Variants in ZBTB20 observed in about 807,000 individuals in gnomAD.
ZBTB20 encodes the protein zinc finger and BTB domain containing 20.
A neutral mutation model predicts 56.9 loss-of-function variants in ZBTB20; 9 were observed. The observed-to-expected ratio is 0.16, with a 90% CI of 0.10 to 0.28. The LOEUF is 0.28. Among genes scored for constraint, ZBTB20 ranks in the 10% least tolerant of loss-of-function variants. The pLI, the probability that ZBTB20 is intolerant of heterozygous loss-of-function variation, is 1.00. For synonymous variants in ZBTB20, 417 were observed against 420.7 expected (o/e 0.99, Z 0.11); for missense variants, 655 against 1,003.0 (o/e 0.65, Z 4.69).
chr3:114,903,830 A>G (rs1349796049), intron 3 of ZBTB20, among the ~76,000 whole-genome samples: 1 of 152,026 alleles, frequency 6.6e-6, no homozygotes, highest in Admixed American at 6.6e-5. Flanking sequence ...TATGTATTCT[A>G]AGGAGATCCT....
At chr3:114,457,537 A>G (rs2092093713) in intron 7 of ZBTB20, among the ~76,000 whole-genome samples, 1 of 152,168 alleles carries the variant, frequency 6.6e-6, no homozygotes, top group African/African-American at 2.4e-5. Flanking sequence ...CCTAAAATCT[A>G]AACTTCAAGG....
intron 6 of ZBTB20, among the ~76,000 whole-genome samples, chr3:114,574,392 T>G (rs2053778688): frequency 1.3e-5 from 2 of 152,206 alleles, no homozygotes; most frequent in Admixed American, 6.5e-5. Flanking sequence ...TGTGTCAATA[T>G]ATAGATATCC....
At chr3:114,472,061 C>A (rs904105503) in intron 7 of ZBTB20, among the ~76,000 whole-genome samples, 2 of 152,150 alleles carry the variant, frequency 1.3e-5, no homozygotes, top group Non-Finnish European at 2.9e-5. Flanking sequence ...TATGAAAAGA[C>A]AGTTCAGGGC....
At chr3:114,435,521 T>C (rs554568583) in intron 7 of ZBTB20, among the ~76,000 whole-genome samples, 2 of 152,322 alleles carry the variant, frequency 1.3e-5, no homozygotes, top group East Asian at 3.9e-4. Flanking sequence ...AAGCCTGTGC[T>C]CCTCACCATG....
intron 11 of ZBTB20, among the ~76,000 whole-genome samples, chr3:114,345,707 G>T (rs959109495): frequency 1.3e-5 from 2 of 152,110 alleles, no homozygotes; most frequent in Non-Finnish European, 2.9e-5. Context: ...GTCTGGGGTG[G>T]GGGTGAAGGG....
At chr3:114,805,452 C>T (rs889631030) in intron 4 of ZBTB20, among the ~76,000 whole-genome samples, 8 of 151,338 alleles carry the variant, frequency 5.3e-5, no homozygotes, top group African/African-American at 1.2e-4. Context: ...TAACTAGATT[C>T]GGATTATAGG....
chr3:114,477,952 T>TCCCA (rs2041039413), intron 7 of ZBTB20, among the ~76,000 whole-genome samples: 1 of 94,870 alleles, frequency 1.1e-5, no homozygotes, highest in African/African-American at 3.7e-5. Flanking sequence ...TCTCTCTCCC[T>TCCCA]CCCACCCTCC....
At chr3:114,629,772 T>A (rs1272457809) in intron 6 of ZBTB20, among the ~76,000 whole-genome samples, 1 of 152,112 alleles carries the variant, frequency 6.6e-6, no homozygotes, top group Non-Finnish European at 1.5e-5. Flanking sequence ...ATATAGCAAT[T>A]TGAATAGAAA....
chr3:114,354,573 G>C (rs2466357), intron 10 of ZBTB20, among the ~76,000 whole-genome samples: 1 of 136,602 alleles, frequency 7.3e-6, no homozygotes, highest in South Asian at 2.3e-4. Flanking sequence ...GTTTTTTTTT[G>C]TTTTGTTTTG....
chr3:115,029,344 G>C (rs965725196), intron 2 of ZBTB20, among the ~76,000 whole-genome samples: 35 of 150,676 alleles, frequency 2.3e-4, no homozygotes, highest in African/African-American at 8.2e-4. Flanking sequence ...ATTGAAGGGG[G>C]GGGGCAGTGG....
At chr3:115,043,234 G>A (rs1462898307) in intron 2 of ZBTB20, among the ~76,000 whole-genome samples, 1 of 151,994 alleles carries the variant, frequency 6.6e-6, no homozygotes, top group Non-Finnish European at 1.5e-5. Flanking sequence ...TACATTCTAA[G>A]AGTTTAGAAC....
intron 6 of ZBTB20, among the ~76,000 whole-genome samples, chr3:114,692,251 CT>C (rs1171812400): frequency 6.6e-6 from 1 of 152,160 alleles, no homozygotes; most frequent in East Asian, 1.9e-4. Context: ...ATACGAGTTT[CT>C]TTTGGGGTAG....
chr3:115,076,441 G>A (rs2082596286), intron 1 of ZBTB20, among the ~76,000 whole-genome samples: 1 of 152,076 alleles, frequency 6.6e-6, no homozygotes, highest in African/African-American at 2.4e-5. Context: ...AGGGTGTCAA[G>A]AATACACAAT....
intron 6 of ZBTB20, among the ~76,000 whole-genome samples, chr3:114,671,486 T>G (rs1378738631): frequency 2.6e-5 from 4 of 152,164 alleles, no homozygotes; most frequent in African/African-American, 9.6e-5. Flanking sequence ...AGGCTGATGC[T>G]GAGAAAGATA....
chr3:114,882,123 T>G (rs922342222), intron 4 of ZBTB20, among the ~76,000 whole-genome samples: 2 of 151,592 alleles, frequency 1.3e-5, no homozygotes, highest in East Asian at 3.9e-4. Context: ...TTTTAAAAAC[T>G]CAATAGAAAA....
intron 7 of ZBTB20, among the ~76,000 whole-genome samples, chr3:114,415,228 T>G (rs13090394): frequency 0.1 from 15,265 of 152,200 alleles, 1,098 homozygotes; most frequent in East Asian, 0.3. Context: ...GGTAAAGCTA[T>G]GTCATTGTTA....
intron 2 of ZBTB20, among the ~76,000 whole-genome samples, chr3:115,046,159 A>G (rs1313205139): frequency 1.3e-5 from 2 of 152,226 alleles, no homozygotes; most frequent in Admixed American, 6.5e-5. Flanking sequence ...TGCAATAAGC[A>G]TCAACCCAGA....
chr3:115,105,182 G>A (rs536845514), intron 1 of ZBTB20, among the ~76,000 whole-genome samples: 15 of 146,950 alleles, frequency 1.0e-4, no homozygotes, highest in Middle Eastern at 3.4e-3. Context: ...ATTGAACAGC[G>A]TATCATAATA....
chr3:115,117,130 C>T (rs1441501278), intron 1 of ZBTB20, among the ~76,000 whole-genome samples: 1 of 152,064 alleles, frequency 6.6e-6, no homozygotes, highest in African/African-American at 2.4e-5. Context: ...TTTGAAAATA[C>T]AGTACTCTTT....
Sources: gnomAD v4.1 joint callset for allele counts (sites outside exome capture counted in the v4.1 genomes callset) on GRCh38, gnomAD v4.1.1 for gene constraint, MANE v1.5 for transcripts, NCBI Gene and HGNC (gene_info 2026-07-23, HGNC 2026-07-21) for gene names.